COQ8A: variants seen among roughly 807,000 people sequenced by gnomAD.
COQ8A encodes atypical kinase COQ8A, mitochondrial.
Under a neutral mutation model 65.0 loss-of-function variants are expected in COQ8A, and 51 were observed. The observed-to-expected ratio is 0.78, with a 90% CI of 0.63 to 0.99. The LOEUF (loss-of-function observed/expected upper bound fraction) is 0.99, where lower values mean the gene tolerates loss of function less well. Among genes scored for constraint, COQ8A ranks in the 50% least tolerant of loss-of-function variants. COQ8A has a pLI of 0.00. For missense variants in COQ8A, 940 were observed against 875.0 expected (o/e 1.07, Z -0.94); for synonymous variants, 371 against 353.2 (o/e 1.05, Z -0.57).
intron 4 of COQ8A, among the ~76,000 whole-genome samples, chr1:226,971,954 T>C (rs1175809035): frequency 6.6e-6 from 1 of 152,246 alleles, no homozygotes; most frequent in East Asian, 1.9e-4. Context: ...CCTCTCTTTC[T>C]GGGACTCCAA....
chr1:226,961,810 G>A (rs1000066744), intron 2 of COQ8A, among the ~76,000 whole-genome samples: 4 of 152,216 alleles, frequency 2.6e-5, no homozygotes, highest in African/African-American at 9.6e-5. Context: ...AAGTTCTAAA[G>A]ACTGGAAAGT....
intron 1 of COQ8A, among the ~76,000 whole-genome samples, chr1:226,956,898 T>A (rs28711686): frequency 0.048 from 5,274 of 108,860 alleles, 91 homozygotes; most frequent in Non-Finnish European, 0.074. Context: ...TGGTTCACAC[T>A]CTCCCTGGCT....
intron 2 of COQ8A, 64 bp downstream of exon 2, chr1:226,961,626 G>A (rs1363556229): frequency 2.6e-5 from 40 of 1,535,298 alleles, no homozygotes; most frequent in Non-Finnish European, 6.2e-6. Flanking sequence ...AGCTCTGGGG[G>A]AGACCAAGGG....
Position 226,986,904 on chromosome 1 carries a change from T to C in COQ8A, c.*167T>C. The C allele has an allele frequency of 1.2e-6, 1 of 820,462 alleles. No homozygotes were observed. Among genetic ancestry groups the C allele is most frequent in the Non-Finnish European group, 1.9e-6 (1 of 520,788 alleles). 50.8% of individuals were successfully genotyped at this position (820,462 alleles called of 1,614,324 possible). ...GCTTTCCACGGTTTCTGTTGCTAAA[T>C]GGTTGTAGGGTGAGAAGTGCAAGAA... is the stretch of plus-strand genomic sequence containing the variant. On this transcript the variant is annotated 3_prime_UTR_variant, in exon 15 of 15. Coordinates refer to ENST00000366777, the MANE Select transcript of COQ8A (RefSeq NM_020247.5).
Position 226,984,746 on chromosome 1 carries a change from A to G in COQ8A, c.1506+91A>G, listed in dbSNP as rs1659972815. 4 of 1,506,284 alleles carry G rather than the reference A, an allele frequency of 2.7e-6. No individual in the cohort carries two copies. The East Asian group carries it at 9.0e-5, about 34-fold the overall frequency. The allele number at this position is 1,506,284 out of a possible 1,614,324, so 93.3% of individuals were successfully genotyped here. ...CCCTGGACTGCCCCTTGTCCTGGGA[A>G]AGTCAGCAGAGAGCTCAGGGCTCTG... On this transcript the variant is annotated intron_variant, in intron 12 of 14. Transcript: ENST00000366777.
chr1:226,983,208 G>GTATT, intron 8 of COQ8A, 174 bp downstream of exon 8: 3 of 1,072,932 alleles, frequency 2.8e-6, no homozygotes, highest in Non-Finnish European at 1.3e-6. Flanking sequence ...AGCTTGGGAA[G>GTATT]TATTTGCTAA....
At chr1:226,971,564 A>G (rs1285911070) in intron 4 of COQ8A, among the ~76,000 whole-genome samples, 3 of 152,150 alleles carry the variant, frequency 2.0e-5, no homozygotes, top group Non-Finnish European at 4.4e-5. Flanking sequence ...AAGAAAAAAA[A>G]GAAAAAAGAG....
At chr1:226,956,692 CCACTCTCCCTGGTTCA>C (rs1390823980) in intron 1 of COQ8A, among the ~76,000 whole-genome samples, 3 of 90,624 alleles carry the variant, frequency 3.3e-5, no homozygotes, top group Admixed American at 1.2e-4. Context: ...TCCCTGGCTC[CCACTCTCCCTGGTTCA>C]CACTCTCCCT....
chr1:226,955,493 T>C (rs75519295), intron 1 of COQ8A, among the ~76,000 whole-genome samples: 2,380 of 123,468 alleles, frequency 0.019, 155 homozygotes, highest in African/African-American at 0.073. Flanking sequence ...TGCCACTCTC[T>C]CTGGCTGCCA....
chr1:226,987,200 C>T lies in COQ8A; in HGVS notation c.*463C>T, dbSNP rs568182458. ...GTTTTCTGCCCTTTTCCTCTCCAGC[C>T]GATGGGCTGGAGCTGGGAGAGGTGC... On this transcript the variant is annotated 3_prime_UTR_variant, in exon 15 of 15. Coordinates refer to ENST00000366777, the MANE Select transcript of COQ8A (RefSeq NM_020247.5). 135 of 188,000 alleles carry T rather than the reference C, an allele frequency of 7.2e-4. No homozygotes were observed. The highest frequency in any genetic ancestry group is 3.5e-4 in the Non-Finnish European group (31 of 89,084). 11.6% of individuals were successfully genotyped at this position (188,000 alleles called of 1,614,324 possible).
chr1:226,978,918 C>CACA (rs1659518382), intron 5 of COQ8A, among the ~76,000 whole-genome samples: 2 of 61,092 alleles, frequency 3.3e-5, no homozygotes, highest in Non-Finnish European at 9.3e-5. Context: ...CACCTCCTTA[C>CACA]CCCTCCACAC....
intron 1 of COQ8A, among the ~76,000 whole-genome samples, chr1:226,950,757 G>C (rs2148013619): frequency 1.1e-4 from 1 of 8,810 alleles, no homozygotes; most frequent in East Asian, 1.3e-3. Context: ...CTAGTTGCTT[G>C]CTTTTTTTTT....
At chr1:226,986,382 T>C in intron 14 of COQ8A, 71 bp from the exon 15 acceptor site, 2 of 1,555,554 alleles carry the variant, frequency 1.3e-6, no homozygotes, top group Admixed American at 1.7e-5. Flanking sequence ...CCCCGGGCAC[T>C]GTGGGAGGAA....
At chr1:226,953,218 T>C (rs1484478637) in intron 1 of COQ8A, among the ~76,000 whole-genome samples, 1 of 152,060 alleles carries the variant, frequency 6.6e-6, no homozygotes, top group Non-Finnish European at 1.5e-5. Flanking sequence ...TTAGTAGAGA[T>C]GGGGTTTCAC....
intron 10 of COQ8A, 52 bp downstream of exon 10, chr1:226,983,906 G>C: frequency 6.3e-7 from 1 of 1,587,036 alleles, no homozygotes; most frequent in Non-Finnish European, 8.6e-7. Flanking sequence ...AGGCAGAAGG[G>C]ACCATGTTCA....
chr1:226,984,292 G>T, intron 11 of COQ8A, 57 bp downstream of exon 11: 2 of 1,607,080 alleles, frequency 1.2e-6, no homozygotes, highest in Non-Finnish European at 1.7e-6. Flanking sequence ...GTGGCTGTTT[G>T]GTGACCTAAT....
At position 226,978,807 on chromosome 1, in the gene COQ8A, TTACA is replaced by T. The variant is rs1477139416; in HGVS notation, c.730+1285_730+1288del. Among the ~76,000 whole-genome samples, 72 of 88,946 alleles carry T rather than the reference TTACA, an allele frequency of 8.1e-4. 3 individuals carry two copies. Among genetic ancestry groups the T allele is most frequent in the African/African-American group, 2.7e-3 (68 of 25,234 alleles). 58.4% of individuals were successfully genotyped at this position (88,946 alleles called of 152,430 possible). On this transcript the variant is annotated intron_variant, in intron 5 of 14. Coordinates refer to ENST00000366777, the MANE Select transcript of COQ8A (RefSeq NM_020247.5). ...ACCCACCTCTCACCCGCACAGCTCC[TTACA>T]CACCCTCCATGCACACACCTCCTTA...
rs1659756297 is a variant in COQ8A, at chr1:226,982,448, C to T, written c.854-230C>T. On this transcript the variant is annotated intron_variant, in intron 6 of 14. Transcript: ENST00000366777. ...TCTTTTGTAATTATGAAAAACTCTG[C>T]ATGTTGAGTGTAAAAAGCCCACCTT... The T allele has an allele frequency of 7.7e-6, 5 of 648,432 alleles. No individual in the cohort carries two copies. In the East Asian group the frequency reaches 1.4e-4, roughly 18 times the overall value. 40.2% of individuals were successfully genotyped at this position (648,432 alleles called of 1,614,324 possible).
chr1:226,981,918 G>C (rs541156193), intron 5 of COQ8A, 109 bp from the exon 6 acceptor site: 1 of 1,525,288 alleles, frequency 6.6e-7, no homozygotes, highest in African/African-American at 1.4e-5. Context: ...TTTTATGGAC[G>C]CCTGGGAGGA....
Sources: gnomAD v4.1 joint callset for allele counts (sites outside exome capture counted in the v4.1 genomes callset) on GRCh38, gnomAD v4.1.1 for gene constraint, MANE v1.5 for transcripts, NCBI Gene and HGNC (gene_info 2026-07-23, HGNC 2026-07-21) for gene names.